Variants in MCTP1 observed in about 807,000 individuals in gnomAD.
MCTP1 encodes the protein multiple C2 and transmembrane domain-containing protein 1.
MCTP1 carries 69 observed loss-of-function variants against 120.6 expected under a neutral mutation model. The ratio of observed to expected loss-of-function variants is 0.57; its 90% CI spans 0.47 to 0.70. The LOEUF (loss-of-function observed/expected upper bound fraction) is 0.70. Among genes scored for constraint, MCTP1 ranks in the 30% least tolerant of loss-of-function variants. MCTP1 has a pLI of 0.00. For missense variants in MCTP1, 1,203 were observed against 1,248.8 expected (o/e 0.96, Z 0.55); for synonymous variants, 529 against 493.1 (o/e 1.07, Z -0.96).
At chr5:95,262,237 A>C (rs993574337) in intron 1 of MCTP1, among the ~76,000 whole-genome samples, 1 of 152,164 alleles carries the variant, frequency 6.6e-6, no homozygotes, top group Non-Finnish European at 1.5e-5. Flanking sequence ...TTGAAAATCA[A>C]TCCTACAATC....
At chr5:95,196,179 C>T (rs1479608732) in intron 1 of MCTP1, among the ~76,000 whole-genome samples, 2 of 152,132 alleles carry the variant, frequency 1.3e-5, no homozygotes, top group Non-Finnish European at 2.9e-5. Flanking sequence ...CTCTCCAAGT[C>T]TGTGCTGAAT....
chr5:95,176,836 C>T (rs1025432708), intron 1 of MCTP1, among the ~76,000 whole-genome samples: 1 of 151,886 alleles, frequency 6.6e-6, no homozygotes, highest in African/African-American at 2.4e-5. Context: ...GAGACACTGT[C>T]TCAAATATAA....
At chr5:95,010,646 A>T (rs1430938652) in intron 2 of MCTP1, among the ~76,000 whole-genome samples, 1 of 152,184 alleles carries the variant, frequency 6.6e-6, no homozygotes, top group African/African-American at 2.4e-5. Flanking sequence ...GTGAAGCTGG[A>T]TTGGAGTTGG....
intron 1 of MCTP1, among the ~76,000 whole-genome samples, chr5:95,045,545 T>TAA (rs1195440917): frequency 6.6e-6 from 1 of 152,112 alleles, no homozygotes; most frequent in Non-Finnish European, 1.5e-5. Context: ...AAACATAGTT[T>TAA]AAGAAGGGAA....
At chr5:94,799,282 CA>C in intron 17 of MCTP1, 150 bp from the exon 18 acceptor site, 2 of 714,884 alleles carry the variant, frequency 2.8e-6, no homozygotes, top group South Asian at 3.9e-5. Flanking sequence ...AACTTTTAGA[CA>C]TTTTTCTAAA....
At chr5:94,743,315 T>TAAA (rs34991464) in intron 19 of MCTP1, among the ~76,000 whole-genome samples, 239 of 127,532 alleles carry the variant, frequency 1.9e-3, no homozygotes, top group East Asian at 5.4e-3. Flanking sequence ...TTCAATTCAA[T>TAAA]AAAAAAAAAA....
At chr5:94,796,944 G>A (rs924601688) in intron 18 of MCTP1, among the ~76,000 whole-genome samples, 1 of 151,922 alleles carries the variant, frequency 6.6e-6, no homozygotes, top group Non-Finnish European at 1.5e-5. Flanking sequence ...TTCCATGAGA[G>A]TTAGACTATA....
At chr5:95,060,333 T>C (rs11960652) in intron 1 of MCTP1, among the ~76,000 whole-genome samples, 100,131 of 151,960 alleles carry the variant, frequency 0.66, 35,309 homozygotes, top group Non-Finnish European at 0.8. Context: ...CTAGCTTCTG[T>C]AGAGCTGTTA....
At chr5:94,993,166 A>T (rs570197723) in intron 2 of MCTP1, among the ~76,000 whole-genome samples, 2 of 152,310 alleles carry the variant, frequency 1.3e-5, no homozygotes, top group African/African-American at 4.8e-5. Flanking sequence ...TTAAACATAC[A>T]ATGTTTGTAG....
At chr5:94,813,170 C>T (rs1183237971) in intron 17 of MCTP1, among the ~76,000 whole-genome samples, 1 of 152,136 alleles carries the variant, frequency 6.6e-6, no homozygotes, top group Non-Finnish European at 1.5e-5. Flanking sequence ...TTTAAGTAGA[C>T]ATTTCACCAA....
At chr5:95,270,246 A>C (rs1759254964) in intron 1 of MCTP1, among the ~76,000 whole-genome samples, 1 of 152,180 alleles carries the variant, frequency 6.6e-6, no homozygotes, top group Non-Finnish European at 1.5e-5. Context: ...CCTATTCTGT[A>C]GTGTTTAAAG....
At chr5:95,167,955 C>T (rs1746652566) in intron 1 of MCTP1, among the ~76,000 whole-genome samples, 1 of 152,186 alleles carries the variant, frequency 6.6e-6, no homozygotes, top group South Asian at 2.1e-4. Context: ...GTGTTTTAGA[C>T]ATGAAGTCCT....
intron 9 of MCTP1, among the ~76,000 whole-genome samples, chr5:94,910,939 T>A (rs1404979215): frequency 1.3e-5 from 2 of 152,176 alleles, no homozygotes; most frequent in African/African-American, 4.8e-5. Context: ...CTGTCTTTAC[T>A]TATCTGGCCT....
chr5:94,985,060 T>C (rs1039666290), intron 2 of MCTP1, among the ~76,000 whole-genome samples: 2 of 152,178 alleles, frequency 1.3e-5, no homozygotes, highest in African/African-American at 4.8e-5. Flanking sequence ...AGTGGTAGCA[T>C]TATTCCCTAC....
At chr5:94,860,752 G>T (rs1795627859) in intron 17 of MCTP1, among the ~76,000 whole-genome samples, 1 of 151,380 alleles carries the variant, frequency 6.6e-6, no homozygotes, top group East Asian at 2.0e-4. Flanking sequence ...AGCTGGGGCG[G>T]GGGGGAAGCA....
intron 1 of MCTP1, among the ~76,000 whole-genome samples, chr5:95,034,429 A>C (rs1462154738): frequency 3.3e-5 from 5 of 152,100 alleles, no homozygotes; most frequent in Admixed American, 2.0e-4. Context: ...ACACACCCAC[A>C]ACCAACTGAT....
chr5:94,973,143 G>T (rs1021304356), intron 2 of MCTP1, among the ~76,000 whole-genome samples: 1 of 152,146 alleles, frequency 6.6e-6, no homozygotes, highest in Non-Finnish European at 1.5e-5. Context: ...GAGTAAACTG[G>T]TTCAGAAAGA....
intron 17 of MCTP1, among the ~76,000 whole-genome samples, chr5:94,823,672 A>C (rs1394159931): frequency 6.6e-6 from 1 of 152,212 alleles, no homozygotes; most frequent in Non-Finnish European, 1.5e-5. Context: ...CTTCCTATCC[A>C]TGAGCATGGA....
At chr5:94,930,127 A>C (rs902765759) in intron 6 of MCTP1, among the ~76,000 whole-genome samples, 41 of 152,068 alleles carry the variant, frequency 2.7e-4, no homozygotes, top group African/African-American at 9.2e-4. Flanking sequence ...TTTAGATATA[A>C]AACAGTAGAG....
Sources: gnomAD v4.1 joint callset for allele counts (sites outside exome capture counted in the v4.1 genomes callset) on GRCh38, gnomAD v4.1.1 for gene constraint, MANE v1.5 for transcripts, NCBI Gene and HGNC (gene_info 2026-07-23, HGNC 2026-07-21) for gene names.